RASEF: variants seen among roughly 807,000 people sequenced by gnomAD.
The protein encoded by RASEF is ras and EF-hand domain-containing protein.
In RASEF, 68 loss-of-function variants were observed where a neutral mutation model predicts 90.1. The observed-to-expected ratio is 0.75, with a 90% confidence interval of 0.62 to 0.92. The LOEUF is 0.92. Ranked by LOEUF, RASEF falls within the 40% of genes least tolerant of loss-of-function variation. The pLI is 0.00. For synonymous variants in RASEF, 331 were observed against 345.2 expected, an observed-to-expected ratio of 0.96 and a Z score of 0.46; for missense variants, 949 against 937.2, an observed-to-expected ratio of 1.01 and a Z score of -0.16.
At chr9:83,054,986 T>C (rs1453049538) in intron 1 of RASEF, 1 of 144,570 alleles carries the variant, frequency 6.9e-6, no homozygotes, top group Non-Finnish European at 1.5e-5. Flanking sequence ...CAGAGGTTAC[T>C]GCTGTCTTTT....
In RASEF at chr9:83,000,488, CT is replaced by C; in HGVS notation, c.1519del (p.Ser507ValfsTer23). The C allele has an allele frequency of 6.2e-7, 1 of 1,614,166 alleles. No homozygotes were observed. Among genetic ancestry groups the C allele is most frequent in the South Asian group, 1.1e-5 (1 of 91,080 alleles). ...VLDWKPQGSV[S>X]EGSIVSSSRK... ...TGATGAACTAACAATGCTGCCTTCA[CT>C]AACAGACCCTTGGGGCTTCCAGTCT... On this transcript the variant is annotated frameshift_variant, in exon 11 of 17. Coordinates refer to ENST00000376447, the MANE Select transcript of RASEF (RefSeq NM_152573.4). LOFTEE classifies it high-confidence loss of function.
In RASEF at chr9:82,979,865, G is replaced by A. The variant is rs1828566309; in HGVS notation, c.*2812C>T. On this transcript the variant is annotated 3_prime_UTR_variant, in exon 17 of 17. Transcript: ENST00000376447. ...AATGCCCACAAAAACCATCACTGAA[G>A]CCGATCACTGTACAAATATGAAAAT... 6.6e-6 allele frequency: 1 copy of A among 152,090 alleles called. No individual in the cohort carries two copies. Among genetic ancestry groups the A allele is most frequent in the Admixed American group, 6.5e-5 (1 of 15,274 alleles). 9.4% of individuals were successfully genotyped at this position (152,090 alleles called of 1,614,324 possible).
chr9:83,175,389 G>A, the RASEF span, among the ~76,000 whole-genome samples: 1 of 151,986 alleles, frequency 6.6e-6, no homozygotes, highest in Non-Finnish European at 1.5e-5. Context: ...TTATTCTATT[G>A]ATACAGCATA....
the RASEF span, among the ~76,000 whole-genome samples, chr9:83,113,712 C>G: frequency 2.0e-5 from 3 of 152,180 alleles, no homozygotes; most frequent in Non-Finnish European, 4.4e-5. Context: ...GCAGTAGCCT[C>G]AGGCTTACTA....
chr9:83,088,652 CATATT>C, the RASEF span, among the ~76,000 whole-genome samples: 4 of 152,024 alleles, frequency 2.6e-5, no homozygotes, highest in Non-Finnish European at 4.4e-5. Context: ...TAGATTGACT[CATATT>C]ATAAAATGTC....
chr9:83,092,010 T>TTTTTTTTTTTTTTTTTTTTTTTG, the RASEF span, among the ~76,000 whole-genome samples: 1 of 126,874 alleles, frequency 7.9e-6, no homozygotes, highest in Non-Finnish European at 1.6e-5. Context: ...TTTCTTTTTT[T>TTTTTTTTTTTTTTTTTTTTTTTG]TTTTTTTTTT....
intron 7 of RASEF, among the ~76,000 whole-genome samples, chr9:83,007,052 C>A (rs1054522310): frequency 5.3e-5 from 8 of 150,546 alleles, no homozygotes; most frequent in African/African-American, 2.0e-4. Context: ...CGAGATTGCA[C>A]CACTGCACTT....
the RASEF span, among the ~76,000 whole-genome samples, chr9:83,189,310 T>C: frequency 0.052 from 7,943 of 152,286 alleles, 342 homozygotes; most frequent in Admixed American, 0.14. Context: ...ACTTCTGCAA[T>C]GATTCTAAGT....
At chr9:83,064,238 T>G (rs1041666085), upstream of RASEF, among the ~76,000 whole-genome samples, 7 of 152,224 alleles carry the variant, frequency 4.6e-5, no homozygotes, top group Non-Finnish European at 1.0e-4. Context: ...TGGTCAACAC[T>G]AACAGCTTCT....
At chr9:83,144,378 A>ACAAAG in the RASEF span, among the ~76,000 whole-genome samples, 1 of 58,038 alleles carries the variant, frequency 1.7e-5, no homozygotes, top group Non-Finnish European at 3.2e-5. Flanking sequence ...AAAGAAAGAA[A>ACAAAG]GAAAGAAAGA....
chr9:83,184,956 T>C, the RASEF span, among the ~76,000 whole-genome samples: 5 of 152,088 alleles, frequency 3.3e-5, no homozygotes, highest in Non-Finnish European at 7.4e-5. Context: ...TGGGAATGTG[T>C]TAGAAAGGCC....
At chr9:83,137,265 G>C in the RASEF span, among the ~76,000 whole-genome samples, 19 of 151,984 alleles carry the variant, frequency 1.3e-4, no homozygotes, top group African/African-American at 4.6e-4. Context: ...CTTTTATGTA[G>C]CAAAATACTC....
At chr9:83,213,241 A>T in the RASEF span, among the ~76,000 whole-genome samples, 3 of 151,848 alleles carry the variant, frequency 2.0e-5, no homozygotes, top group African/African-American at 7.3e-5. Flanking sequence ...CTCTACTAAA[A>T]ATCCAAAAAT....
At chr9:83,003,224 C>CA (rs560511237) in intron 9 of RASEF, among the ~76,000 whole-genome samples, 30 of 152,192 alleles carry the variant, frequency 2.0e-4, no homozygotes, top group African/African-American at 7.2e-4. Flanking sequence ...AATCACCCCC[C>CA]CACACACACC....
At chr9:83,101,389 A>C in the RASEF span, among the ~76,000 whole-genome samples, 2 of 152,224 alleles carry the variant, frequency 1.3e-5, no homozygotes, top group Non-Finnish European at 2.9e-5. Flanking sequence ...GGTAAGCACA[A>C]GGCAGCCAAA....
chr9:83,166,463 C>G, the RASEF span, among the ~76,000 whole-genome samples: 147 of 152,234 alleles, frequency 9.7e-4, 3 homozygotes, highest in Non-Finnish European at 6.3e-4. Context: ...AAGAAAAGCA[C>G]TATTACACCT....
chr9:83,006,625 C>T (rs998042070), intron 7 of RASEF, among the ~76,000 whole-genome samples: 2 of 152,032 alleles, frequency 1.3e-5, no homozygotes, highest in Admixed American at 6.5e-5. Flanking sequence ...TGGGGAAGAC[C>T]TTCAGAGGAT....
chr9:83,109,356 T>C, the RASEF span, among the ~76,000 whole-genome samples: 1 of 152,214 alleles, frequency 6.6e-6, no homozygotes. Flanking sequence ...CAATTATTTG[T>C]AGAGAATACT....
the RASEF span, among the ~76,000 whole-genome samples, chr9:83,194,500 G>A: frequency 7.9e-5 from 12 of 152,246 alleles, no homozygotes; most frequent in South Asian, 6.2e-4. Context: ...CCACCTGGCC[G>A]CCATAGTGTT....
Sources: gnomAD v4.1 joint callset for allele counts (sites outside exome capture counted in the v4.1 genomes callset) on GRCh38, gnomAD v4.1.1 for gene constraint, MANE v1.5 for transcripts, NCBI Gene and HGNC (gene_info 2026-07-23, HGNC 2026-07-21) for gene names.